Variants in SMARCC1 observed in about 807,000 individuals in gnomAD.
SMARCC1 encodes the protein SWI/SNF complex subunit SMARCC1.
Under a neutral mutation model 147.4 loss-of-function variants are expected in SMARCC1, and 43 were observed. The observed-to-expected ratio is 0.29, with a 90% CI of 0.23 to 0.38. The LOEUF (loss-of-function observed/expected upper bound fraction) is 0.38, where lower values mean the gene tolerates loss of function less well. Among genes scored for constraint, SMARCC1 ranks in the 10% least tolerant of loss-of-function variants. The probability of loss-of-function intolerance (pLI) is 1.00; values close to 1 mark genes in which losing one functional copy is unlikely to be tolerated. For synonymous variants in SMARCC1, 495 were observed against 484.4 expected, an observed-to-expected ratio of 1.02 and a Z score of -0.29; for missense variants, 1,119 against 1,381.1, an observed-to-expected ratio of 0.81 and a Z score of 3.01.
At chr3:47,601,698 CTTTTTTTTTTT>C (rs869165458) in intron 26 of SMARCC1, 1 of 138,310 alleles carries the variant, frequency 7.2e-6, no homozygotes, top group Non-Finnish European at 1.6e-5. Context: ...CTTTTTTTTT[CTTTTTTTTTTT>C]TTTTGAGATG....
chr3:47,691,740 C>T (rs2033791490), intron 12 of SMARCC1, among the ~76,000 whole-genome samples: 1 of 152,152 alleles, frequency 6.6e-6, no homozygotes, highest in African/African-American at 2.4e-5. Flanking sequence ...AAGCTCATGC[C>T]TGTAATCCCA....
rs1159588452 is a variant in SMARCC1 at position 47,635,314 on chromosome 3, A to C, written c.2522T>G (p.Leu841Arg). 3.1e-6 allele frequency: 5 copies of C among 1,612,552 alleles called. No homozygotes were observed. The Admixed American group carries it at 8.3e-5, about 27-fold the overall frequency. The change falls in exon 24 of 28, where the codon CTC (leucine) becomes CGC (arginine). Residue 841 changes from leucine to arginine, a missense_variant. By Grantham distance (102) the Leu-to-Arg change is moderately radical (BLOSUM62 -2). Transcript: ENST00000254480. ...EEKETEENKE[L>R]TDTCKERESD... ...TTCTCTTTCTTTACATGTATCAGTGAGTTCTTTGTTCTCTTCAGTCTCCTT... is the reference window on the plus strand; with the variant it reads ...TTCTCTTTCTTTACATGTATCAGTGCGTTCTTTGTTCTCTTCAGTCTCCTT...
chr3:47,635,957 C>A, intron 23 of SMARCC1, 65 bp downstream of exon 23: 2 of 776,502 alleles, frequency 2.6e-6, no homozygotes, highest in Non-Finnish European at 4.3e-6. Context: ...ATATAAACCA[C>A]CTTCATTTCT....
chr3:47,756,966 T>A (rs182748798), intron 2 of SMARCC1, among the ~76,000 whole-genome samples: 8 of 152,104 alleles, frequency 5.3e-5, no homozygotes, highest in Admixed American at 2.0e-4. Context: ...CTAAGAAAAA[T>A]TCAGCCAGGT....
chr3:47,598,240 G>C (rs1426086688), intron 26 of SMARCC1, among the ~76,000 whole-genome samples: 2 of 152,048 alleles, frequency 1.3e-5, no homozygotes, highest in Admixed American at 1.3e-4. Flanking sequence ...GACAACAGGA[G>C]ATGATTTTGT....
At chr3:47,618,964 C>T (rs1245545340) in intron 25 of SMARCC1, among the ~76,000 whole-genome samples, 1 of 152,148 alleles carries the variant, frequency 6.6e-6, no homozygotes, top group African/African-American at 2.4e-5. Context: ...ATTTGAATCC[C>T]GCATATGCCA....
intron 25 of SMARCC1, among the ~76,000 whole-genome samples, chr3:47,616,896 T>C (rs533727148): frequency 6.6e-6 from 1 of 152,300 alleles, no homozygotes; most frequent in East Asian, 1.9e-4. Context: ...AAACCAAACG[T>C]TCTATTTAAA....
At chr3:47,714,055 C>G (rs1381973295) in intron 8 of SMARCC1, among the ~76,000 whole-genome samples, 1 of 152,196 alleles carries the variant, frequency 6.6e-6, no homozygotes, top group African/African-American at 2.4e-5. Context: ...CTGAGAAGAG[C>G]TATTAGATTA....
intron 18 of SMARCC1, among the ~76,000 whole-genome samples, chr3:47,673,965 T>C (rs891250676): frequency 6.6e-6 from 1 of 152,194 alleles, no homozygotes; most frequent in Non-Finnish European, 1.5e-5. Flanking sequence ...AGATGTCTTT[T>C]ATACTGACTC....
At chr3:47,778,632 T>A (rs2035007280) in intron 1 of SMARCC1, among the ~76,000 whole-genome samples, 1 of 151,866 alleles carries the variant, frequency 6.6e-6, no homozygotes, top group Non-Finnish European at 1.5e-5. Context: ...AATCTTTTGA[T>A]CAAAAAAAGT....
At chr3:47,763,407 T>TA (rs35782822) in intron 2 of SMARCC1, among the ~76,000 whole-genome samples, 90,171 of 145,090 alleles carry the variant, frequency 0.62, 28,364 homozygotes, top group East Asian at 0.72. Flanking sequence ...ACTCCAGCTC[T>TA]AAAAAAAAAA....
chr3:47,671,173 C>CAAAAAAAAAAAAAAAAAAAAAAAAAAAAA (rs775759680), intron 18 of SMARCC1, among the ~76,000 whole-genome samples: 2 of 29,240 alleles, frequency 6.8e-5, no homozygotes, highest in African/African-American at 3.3e-4. Flanking sequence ...GAGACTATCT[C>CAAAAAAAAAAAAAAAAAAAAAAAAAAAAA]AAAAAAAAAA....
Position 47,769,524 on chromosome 3 carries a change from G to A in SMARCC1, c.315+3293C>T, listed in dbSNP as rs546923611. On this transcript the variant is annotated intron_variant, in intron 2 of 27. Coordinates refer to ENST00000254480, the MANE Select transcript of SMARCC1 (RefSeq NM_003074.4). Reference sequence around the variant, plus strand: ...TTACAGGCATGAGCCACCGCACTCCGCCAACCATAACACTTTTATGTGTTG... The same window carrying A: ...TTACAGGCATGAGCCACCGCACTCCACCAACCATAACACTTTTATGTGTTG... Among the ~76,000 whole-genome samples, 9 of 151,906 alleles carry A rather than the reference G, an allele frequency of 5.9e-5. No homozygotes were observed. In the South Asian group the frequency reaches 6.2e-4, roughly 11 times the overall value.
chr3:47,669,518 G>A (rs2033469090), intron 19 of SMARCC1, among the ~76,000 whole-genome samples: 1 of 152,144 alleles, frequency 6.6e-6, no homozygotes, highest in South Asian at 2.1e-4. Flanking sequence ...GAAATTGAAA[G>A]TGAGTCAGTC....
At chr3:47,728,910 CAAAACA>C in intron 6 of SMARCC1, 109 bp downstream of exon 6, 1 of 627,216 alleles carries the variant, frequency 1.6e-6, no homozygotes, top group East Asian at 3.1e-5. Flanking sequence ...ATCTTCAAAA[CAAAACA>C]AAAACAAATA....
chr3:47,725,436 A>T (rs1205808544), intron 6 of SMARCC1, among the ~76,000 whole-genome samples: 2 of 151,880 alleles, frequency 1.3e-5, no homozygotes, highest in Non-Finnish European at 2.9e-5. Context: ...TCAATTGTGC[A>T]CTTTATTATT....
At chr3:47,663,552 C>A (rs1302643633) in intron 19 of SMARCC1, 2 of 1,169,100 alleles carry the variant, frequency 1.7e-6, no homozygotes, top group Non-Finnish European at 2.4e-6. Context: ...TCAAGGCCAG[C>A]CTGACAAACA....
At chr3:47,748,900 T>C (rs2034596734) in intron 2 of SMARCC1, among the ~76,000 whole-genome samples, 1 of 152,274 alleles carries the variant, frequency 6.6e-6, no homozygotes, top group South Asian at 2.1e-4. Context: ...GTGAGCATAG[T>C]TTCTCCATCC....
In SMARCC1 at chr3:47,676,743, G is replaced by A; in HGVS notation, c.1611C>T (p.Tyr537=). The A allele has an allele frequency of 6.2e-7, 1 of 1,613,604 alleles. No individual in the cohort carries two copies. The highest frequency in any genetic ancestry group is 8.5e-7 in the Non-Finnish European group (1 of 1,179,898). The change falls in exon 17 of 28, where the codon TAC becomes TAT. Residue 537 remains tyrosine (Y), a synonymous_variant. Transcript: ENST00000254480. ...AFLEQWGLVN[Y]QVDPESRPMA... is the part of the protein sequence containing the mutation. Reference sequence around the variant, plus strand: ...TGGGTCTACTTTCCGGGTCAACTTGGTAATTAACGAGTCCCCACTGCTCTA... The same window carrying A: ...TGGGTCTACTTTCCGGGTCAACTTGATAATTAACGAGTCCCCACTGCTCTA...
Sources: allele counts gnomAD v4.1 joint callset (sites outside exome capture counted in the v4.1 genomes callset), GRCh38; gene constraint gnomAD v4.1.1; transcripts MANE v1.5; gene names NCBI Gene and HGNC (gene_info 2026-07-23, HGNC 2026-07-21).